TMEM232: variants seen among roughly 807,000 people sequenced by gnomAD.
The protein encoded by TMEM232 is transmembrane protein 232.
A neutral mutation model predicts 78.8 loss-of-function variants in TMEM232; 80 were observed. The observed-to-expected ratio is 1.01, with a 90% CI of 0.85 to 1.22. The LOEUF (loss-of-function observed/expected upper bound fraction) is 1.22, where lower values mean the gene tolerates loss of function less well. Among genes scored for constraint, TMEM232 ranks in the 50% most tolerant of loss-of-function variants. The probability of loss-of-function intolerance (pLI) is 0.00; values close to 1 mark genes in which losing one functional copy is unlikely to be tolerated. For synonymous variants in TMEM232, 297 were observed against 254.3 expected (o/e 1.17, Z -1.60); for missense variants, 881 against 742.2 (o/e 1.19, Z -2.17).
chr5:110,662,170 C>A (rs775356715), intron 2 of TMEM232, among the ~76,000 whole-genome samples: 2 of 151,996 alleles, frequency 1.3e-5, no homozygotes, highest in Non-Finnish European at 2.9e-5. Flanking sequence ...AAATTAACTT[C>A]TCTTTTCTGG....
At chr5:110,666,251 T>G (rs561589090) in intron 2 of TMEM232, among the ~76,000 whole-genome samples, 1 of 152,188 alleles carries the variant, frequency 6.6e-6, no homozygotes, top group Non-Finnish European at 1.5e-5. Context: ...TTATACTCCA[T>G]TCTTGATGAA....
rs1772575501 is a variant in TMEM232 at position 110,537,715 on chromosome 5, G to A, written c.1456-8880C>T. ...CTCCCTGCAGCCCTGTTACTCCTTG[G>A]GAAGTAGCAAGAGCTGAGGGGCCAG... is the stretch of plus-strand genomic sequence containing the variant. On this transcript the variant is annotated intron_variant, in intron 11 of 13. Coordinates refer to ENST00000455884, the MANE Select transcript of TMEM232 (RefSeq NM_001039763.4). Among the ~76,000 whole-genome samples, 3 of 152,316 alleles carry A rather than the reference G, an allele frequency of 2.0e-5. No individual in the cohort carries two copies. In the South Asian group the frequency reaches 6.2e-4, roughly 32 times the overall value.
upstream of TMEM232, among the ~76,000 whole-genome samples, chr5:110,729,691 A>G (rs1347348119): frequency 6.6e-6 from 1 of 152,238 alleles, no homozygotes; most frequent in Non-Finnish European, 1.5e-5. Flanking sequence ...GGGCCATGAT[A>G]GCAGCACCCT....
At position 110,674,733 on chromosome 5, in the gene TMEM232, T is replaced by C. The variant is rs1007769407; in HGVS notation, c.-12-7369A>G. Among the ~76,000 whole-genome samples the C allele has an allele frequency of 5.3e-5, 8 of 152,222 alleles. No homozygotes were observed. The East Asian group carries it at 5.8e-4, about 11-fold the overall frequency. Reference sequence around the variant, plus strand: ...CACATCAGAGATTTCCAATGAATCTTTGCCATGTATTCAGCACTGGTCGAC... The same window carrying C: ...CACATCAGAGATTTCCAATGAATCTCTGCCATGTATTCAGCACTGGTCGAC... On this transcript the variant is annotated intron_variant, in intron 1 of 13. Transcript: ENST00000455884.
chr5:110,666,051 T>C (rs1790543192), intron 2 of TMEM232, among the ~76,000 whole-genome samples: 1 of 152,152 alleles, frequency 6.6e-6, no homozygotes, highest in Non-Finnish European at 1.5e-5. Context: ...ATCACGCCAC[T>C]GCACTCCAGC....
intron 1 of TMEM232, among the ~76,000 whole-genome samples, chr5:110,721,103 G>A (rs72773182): frequency 0.086 from 13,036 of 151,894 alleles, 585 homozygotes; most frequent in Admixed American, 0.12. Context: ...AGTTATTCCC[G>A]GTAAAGTTAT....
At chr5:110,715,146 C>A (rs1295778041) in intron 1 of TMEM232, among the ~76,000 whole-genome samples, 1 of 151,948 alleles carries the variant, frequency 6.6e-6, no homozygotes, top group East Asian at 1.9e-4. Context: ...AAATACAATT[C>A]TTTCTCTTCA....
chr5:110,409,087 ATCT>A (rs1755897762), intron 2 of TMEM232, among the ~76,000 whole-genome samples: 1 of 152,188 alleles, frequency 6.6e-6, no homozygotes, highest in South Asian at 2.1e-4. Context: ...ACACAGCTTC[ATCT>A]ATTTATGGGT....
intron 1 of TMEM232, among the ~76,000 whole-genome samples, chr5:110,696,002 A>C (rs1320879002): frequency 3.3e-5 from 5 of 152,210 alleles, no homozygotes; most frequent in Non-Finnish European, 7.3e-5. Flanking sequence ...CAAAACAAAA[A>C]AAGAGAATTT....
chr5:110,548,658 T>C (rs192995293), intron 11 of TMEM232, among the ~76,000 whole-genome samples: 9 of 151,876 alleles, frequency 5.9e-5, no homozygotes, highest in Admixed American at 5.9e-4. Context: ...AACATAGAAA[T>C]ATATACAAAT....
intron 2 of TMEM232, among the ~76,000 whole-genome samples, chr5:110,660,052 T>C (rs1398752770): frequency 1.3e-5 from 2 of 152,044 alleles, no homozygotes; most frequent in Non-Finnish European, 2.9e-5. Flanking sequence ...AAAAGAAAGA[T>C]ACATCCATAG....
intron 2 of TMEM232, among the ~76,000 whole-genome samples, chr5:110,659,370 G>C (rs1789496883): frequency 6.6e-6 from 1 of 152,076 alleles, no homozygotes; most frequent in African/African-American, 2.4e-5. Context: ...TCCCAACCCA[G>C]ATTTATACCC....
chr5:110,421,869 G>C (rs1367229311), intron 13 of TMEM232, among the ~76,000 whole-genome samples: 3 of 152,098 alleles, frequency 2.0e-5, no homozygotes, highest in East Asian at 1.9e-4. Context: ...TCCCAGGTGA[G>C]TTTTAACTAC....
chr5:110,698,619 G>T (rs564559312), intron 1 of TMEM232, among the ~76,000 whole-genome samples: 2 of 151,908 alleles, frequency 1.3e-5, no homozygotes, highest in African/African-American at 2.4e-5. Flanking sequence ...GGAACCACTG[G>T]GTTTACATGG....
chr5:110,410,189 A>T (rs1392298140), intron 2 of TMEM232, among the ~76,000 whole-genome samples: 1 of 152,014 alleles, frequency 6.6e-6, no homozygotes, highest in African/African-American at 2.4e-5. Context: ...ACTCTGTGTT[A>T]ATTCTAAATT....
chr5:110,664,579 A>G (rs895744664), intron 2 of TMEM232, among the ~76,000 whole-genome samples: 1 of 152,214 alleles, frequency 6.6e-6, no homozygotes, highest in African/African-American at 2.4e-5. Context: ...GTCACAGGCT[A>G]CTGAGGCTTC....
chr5:110,689,399 A>AT (rs139657142), intron 1 of TMEM232, among the ~76,000 whole-genome samples: 7 of 152,260 alleles, frequency 4.6e-5, no homozygotes, highest in Non-Finnish European at 1.0e-4. Context: ...AAAATTGGCA[A>AT]TTTTTTTCAG....
At position 110,640,890 on chromosome 5, in the gene TMEM232, C is replaced by A; in HGVS notation, c.343+1G>T. 1 of 1,511,322 alleles carries A rather than the reference C, an allele frequency of 6.6e-7. No homozygotes were observed. The highest frequency in any genetic ancestry group is 1.3e-5 in the South Asian group (1 of 75,516). 93.6% of individuals were successfully genotyped at this position (1,511,322 alleles called of 1,614,324 possible). A position where few individuals can be genotyped will look rare whatever the true frequency, so the allele number is the denominator to read the frequency against. On this transcript the variant is annotated splice_donor_variant, in intron 4 of 13. Coordinates refer to ENST00000455884, the MANE Select transcript of TMEM232 (RefSeq NM_001039763.4). LOFTEE classifies it high-confidence loss of function. ...GCCTAATAAGAATTTAAAGTACGTA[C>A]CATCTTGGATTTCCCCTTTGCATTG...
chr5:110,618,344 T>C (rs1453104251), intron 8 of TMEM232, 85 bp downstream of exon 8: 2 of 1,495,512 alleles, frequency 1.3e-6, no homozygotes, highest in East Asian at 5.0e-5. Flanking sequence ...TGAGGTGTGA[T>C]TAACATTTAG....
Sources: gnomAD v4.1 joint callset for allele counts (sites outside exome capture counted in the v4.1 genomes callset) on GRCh38, gnomAD v4.1.1 for gene constraint, MANE v1.5 for transcripts, NCBI Gene and HGNC (gene_info 2026-07-23, HGNC 2026-07-21) for gene names.